Variants in PRIM2 observed in about 807,000 individuals in gnomAD.
The protein encoded by PRIM2 is DNA primase large subunit.
Under a neutral mutation model 67.3 loss-of-function variants are expected in PRIM2, and 39 were observed. That is an observed-to-expected ratio of 0.58 (90% CI 0.45 to 0.76). The LOEUF is 0.76. Among genes scored for constraint, PRIM2 ranks in the 30% least tolerant of loss-of-function variants. The pLI is 0.00. For synonymous variants in PRIM2, 143 were observed against 198.7 expected (o/e 0.72, Z 2.36); for missense variants, 398 against 598.7 (o/e 0.66, Z 3.50).
At position 57,642,435 on chromosome 6, in the gene PRIM2, C is replaced by CTTTTTTT. The variant is rs1156576933; in HGVS notation, c.1300-3474_1300-3468dup. On this transcript the variant is annotated intron_variant, in intron 13 of 13. Transcript: ENST00000615550. ...TATGCACATACCTTAAATATTATAT[C>CTTTTTTT]TTTTTTTTTTTTTTTTTTTTTTTTT... 6.9e-3 allele frequency among the ~76,000 whole-genome samples: 576 copies of CTTTTTTT among 83,158 alleles called. 27 individuals are homozygous for CTTTTTTT. Among genetic ancestry groups the CTTTTTTT allele is most frequent in the African/African-American group, 0.015 (275 of 18,792 alleles). 54.6% of individuals were successfully genotyped at this position (83,158 alleles called of 152,430 possible). A position where few individuals can be genotyped will look rare whatever the true frequency, so the allele number is the denominator to read the frequency against.
rs1773350491 is a variant in PRIM2, at chr6:57,472,204, C to CG, written c.694-35181dup. 2.0e-5 allele frequency among the ~76,000 whole-genome samples: 3 copies of CG among 151,762 alleles called. No individual in the cohort carries two copies. The South Asian group carries it at 6.2e-4, about 31-fold the overall frequency. On this transcript the variant is annotated intron_variant, in intron 7 of 13. Coordinates refer to ENST00000615550, the MANE Select transcript of PRIM2 (RefSeq NM_000947.5). ...CAGCACTTTGGGAGGCCAAGGTGGG[C>CG]GGATCACCTGAGGTCAGGAGTTCAA...
chr6:57,405,071 G>A (rs375961413), intron 7 of PRIM2, among the ~76,000 whole-genome samples: 4,399 of 148,378 alleles, frequency 0.03, 5 homozygotes, highest in African/African-American at 0.1. Flanking sequence ...CTGAAACACA[G>A]ATTTTATCCC....
intron 5 of PRIM2, among the ~76,000 whole-genome samples, chr6:57,369,691 G>T (rs1769479969): frequency 2.0e-5 from 3 of 152,174 alleles, no homozygotes; most frequent in African/African-American, 7.2e-5. Context: ...TTAGGAGGAT[G>T]TTTACTTTGT....
chr6:57,311,360 C>T (rs552405874), upstream of PRIM2, among the ~76,000 whole-genome samples: 15 of 149,162 alleles, frequency 1.0e-4, no homozygotes, highest in South Asian at 2.1e-4. Context: ...CCAGACGGGG[C>T]GGCGGGGCAG....
intron 5 of PRIM2, among the ~76,000 whole-genome samples, chr6:57,335,713 C>T (rs1420055029): frequency 6.6e-6 from 1 of 152,198 alleles, no homozygotes; most frequent in Non-Finnish European, 1.5e-5. Flanking sequence ...CCCATCTGTA[C>T]ACCATCATCA....
rs1772614379 is a variant in PRIM2 at position 57,453,072 on chromosome 6, G to T, written c.694-54315G>T. On this transcript the variant is annotated intron_variant, in intron 7 of 13. Coordinates refer to ENST00000615550, the MANE Select transcript of PRIM2 (RefSeq NM_000947.5). ...TTTCCCCATTTCTTGTTTTTATCAG[G>T]TTTGTCAAAGATGAGATGGTTGTAG... Among the ~76,000 whole-genome samples the T allele has an allele frequency of 3.3e-5, 5 of 152,158 alleles. No homozygotes were observed. The South Asian group carries it at 1.0e-3, about 32-fold the overall frequency.
intron 10 of PRIM2, among the ~76,000 whole-genome samples, chr6:57,575,042 G>T (rs1160431624): frequency 3.5e-4 from 53 of 152,098 alleles, no homozygotes; most frequent in African/African-American, 1.1e-3. Flanking sequence ...ACTGCTCTTC[G>T]TACCCTAGAG....
intron 5 of PRIM2, among the ~76,000 whole-genome samples, chr6:57,369,243 C>T (rs537066499): frequency 6.6e-6 from 1 of 152,212 alleles, no homozygotes; most frequent in Non-Finnish European, 1.5e-5. Context: ...AGGATTTCAA[C>T]AGAGTGAAAT....
chr6:57,409,129 C>A (rs1770998373), intron 7 of PRIM2, among the ~76,000 whole-genome samples: 1 of 151,542 alleles, frequency 6.6e-6, no homozygotes, highest in Non-Finnish European at 1.5e-5. Context: ...TAGATTGTTT[C>A]CAGTTCTTGG....
At chr6:57,332,426 C>A (rs1342747194) in intron 5 of PRIM2, among the ~76,000 whole-genome samples, 1 of 152,096 alleles carries the variant, frequency 6.6e-6, no homozygotes, top group Non-Finnish European at 1.5e-5. Context: ...TTTCCTTGTT[C>A]ATCTTCTGCC....
At chr6:57,521,380 T>TG (rs1774619355) in intron 8 of PRIM2, among the ~76,000 whole-genome samples, 1 of 147,712 alleles carries the variant, frequency 6.8e-6, no homozygotes, top group African/African-American at 2.5e-5. Context: ...TTTTTTTTTT[T>TG]TTTTTTTTTT....
intron 8 of PRIM2, among the ~76,000 whole-genome samples, chr6:57,530,743 C>T (rs1436758222): frequency 6.6e-6 from 1 of 151,424 alleles, no homozygotes; most frequent in Non-Finnish European, 1.5e-5. Context: ...CAAGGTCTTA[C>T]TCTGTCACCC....
At chr6:57,624,901 A>C (rs1354307878) in intron 12 of PRIM2, among the ~76,000 whole-genome samples, 1 of 152,216 alleles carries the variant, frequency 6.6e-6, no homozygotes, top group Non-Finnish European at 1.5e-5. Flanking sequence ...GAGGCCTCAC[A>C]ATCATGGTGG....
At chr6:57,564,688 G>T (rs1353511290) in intron 10 of PRIM2, among the ~76,000 whole-genome samples, 1 of 152,138 alleles carries the variant, frequency 6.6e-6, no homozygotes, top group African/African-American at 2.4e-5. Flanking sequence ...GTTTTTATTT[G>T]TGAGAAGGTA....
intron 12 of PRIM2, among the ~76,000 whole-genome samples, chr6:57,627,208 A>C (rs1431223661): frequency 8.6e-6 from 1 of 116,382 alleles, no homozygotes; most frequent in African/African-American, 3.2e-5. Flanking sequence ...TGAACCCGGG[A>C]GGTGGAGGTT....
chr6:57,583,440 C>T (rs1248558116), intron 10 of PRIM2, among the ~76,000 whole-genome samples: 1 of 150,048 alleles, frequency 6.7e-6, no homozygotes, highest in African/African-American at 2.5e-5. Flanking sequence ...GTTTTTTGTT[C>T]TTGCGATAGT....
intron 7 of PRIM2, among the ~76,000 whole-genome samples, chr6:57,455,976 GC>G (rs1432557519): frequency 1.3e-5 from 2 of 151,712 alleles, no homozygotes; most frequent in Admixed American, 6.6e-5. Flanking sequence ...TTTAGGGCAG[GC>G]CTGGTGGTGA....
At chr6:57,455,879 C>T (rs1248902857) in intron 7 of PRIM2, among the ~76,000 whole-genome samples, 1 of 152,104 alleles carries the variant, frequency 6.6e-6, no homozygotes, top group Admixed American at 6.5e-5. Flanking sequence ...TTCTTCCTAG[C>T]CTGGATGGTC....
intron 7 of PRIM2, among the ~76,000 whole-genome samples, chr6:57,466,106 A>T (rs1266890425): frequency 6.6e-6 from 1 of 151,906 alleles, no homozygotes; most frequent in African/African-American, 2.4e-5. Context: ...TTTGTTGAGG[A>T]TGATGGTTTC....
Sources: gnomAD v4.1 joint callset for allele counts (sites outside exome capture counted in the v4.1 genomes callset) on GRCh38, gnomAD v4.1.1 for gene constraint, MANE v1.5 for transcripts, NCBI Gene and HGNC (gene_info 2026-07-23, HGNC 2026-07-21) for gene names.